The following LRP1B variants were observed in gnomAD, a reference collection of about 807,000 sequenced individuals.
LRP1B encodes LDL receptor related protein 1B, also known as low-density lipoprotein receptor-related protein 1B.
Under a neutral mutation model 556.6 loss-of-function variants are expected in LRP1B, and 217 were observed. The ratio of observed to expected loss-of-function variants is 0.39; its 90% CI spans 0.35 to 0.44. The LOEUF is 0.44. Among genes scored for constraint, LRP1B ranks in the 20% least tolerant of loss-of-function variants. The pLI is 1.00. For synonymous variants in LRP1B, 2,047 were observed against 1,865.8 expected (o/e 1.10, Z -2.50); for missense variants, 5,053 against 5,620.8 (o/e 0.90, Z 3.23).
intron 1 of LRP1B, among the ~76,000 whole-genome samples, chr2:142,086,005 A>G (rs1331449324): frequency 6.6e-6 from 1 of 152,156 alleles, no homozygotes; most frequent in Non-Finnish European, 1.5e-5. Flanking sequence ...TTAACCTACT[A>G]CAGGGTGATA....
intron 59 of LRP1B, among the ~76,000 whole-genome samples, chr2:140,483,545 A>G (rs965594744): frequency 4.7e-5 from 7 of 148,862 alleles, no homozygotes; most frequent in Admixed American, 3.4e-4. Context: ...AAGAAAAAAA[A>G]TTGTTCAGAC....
intron 20 of LRP1B, among the ~76,000 whole-genome samples, chr2:140,935,325 A>T (rs990292405): frequency 6.6e-6 from 1 of 152,152 alleles, no homozygotes; most frequent in African/African-American, 2.4e-5. Flanking sequence ...AGATATTTTG[A>T]TATCTTTAAA....
chr2:141,775,512 C>A (rs1397546072), intron 2 of LRP1B, among the ~76,000 whole-genome samples: 1 of 152,120 alleles, frequency 6.6e-6, no homozygotes, highest in Non-Finnish European at 1.5e-5. Flanking sequence ...ATGATTATAT[C>A]TTTGTAAAGA....
chr2:141,689,628 A>G (rs1017612698), intron 2 of LRP1B, among the ~76,000 whole-genome samples: 6 of 151,800 alleles, frequency 4.0e-5, no homozygotes, highest in Non-Finnish European at 7.4e-5. Context: ...GCCAAATTTA[A>G]TCTGAGATAA....
At chr2:141,384,471 A>T (rs1365636501) in intron 3 of LRP1B, among the ~76,000 whole-genome samples, 2 of 152,108 alleles carry the variant, frequency 1.3e-5, no homozygotes, top group East Asian at 1.9e-4. Context: ...TTGAGATATA[A>T]TTTTTTAAAT....
intron 43 of LRP1B, among the ~76,000 whole-genome samples, chr2:140,584,659 C>T (rs958838994): frequency 6.6e-6 from 1 of 152,140 alleles, no homozygotes; most frequent in Non-Finnish European, 1.5e-5. Flanking sequence ...TGTAAGAACA[C>T]ATCTCTTTTC....
At chr2:140,291,143 T>C (rs1281561596) in intron 84 of LRP1B, among the ~76,000 whole-genome samples, 3 of 151,314 alleles carry the variant, frequency 2.0e-5, no homozygotes, top group African/African-American at 4.8e-5. Context: ...CTCCTGCTAA[T>C]AGAAACAGGA....
At chr2:141,994,190 C>T (rs1025864348) in intron 1 of LRP1B, among the ~76,000 whole-genome samples, 2 of 152,070 alleles carry the variant, frequency 1.3e-5, no homozygotes, top group Admixed American at 1.3e-4. Context: ...TTCTATTTTC[C>T]AGAGAGTTGT....
chr2:140,449,453 A>C (rs1686798112), intron 63 of LRP1B, among the ~76,000 whole-genome samples: 2 of 152,128 alleles, frequency 1.3e-5, no homozygotes, highest in South Asian at 4.1e-4. Flanking sequence ...ACTACCCTTT[A>C]TATGTTGTCT....
intron 66 of LRP1B, among the ~76,000 whole-genome samples, chr2:140,402,625 C>T (rs1684556696): frequency 6.6e-6 from 1 of 152,164 alleles, no homozygotes; most frequent in African/African-American, 2.4e-5. Context: ...AGGTGGATAG[C>T]TTTCCTGTTG....
intron 2 of LRP1B, among the ~76,000 whole-genome samples, chr2:141,486,807 G>GA (rs5834838): frequency 0.97 from 148,129 of 152,054 alleles, 72,266 homozygotes; most frequent in East Asian, 1. Context: ...TTTGCCTACT[G>GA]AAAAAATTTA....
At chr2:140,399,162 G>GAT (rs1181464006) in intron 66 of LRP1B, among the ~76,000 whole-genome samples, 2 of 123,646 alleles carry the variant, frequency 1.6e-5, no homozygotes, top group Non-Finnish European at 3.6e-5. Context: ...AGAAGACCAA[G>GAT]ATACACACAC....
At chr2:141,428,392 G>A (rs1559065640) in intron 3 of LRP1B, among the ~76,000 whole-genome samples, 1 of 151,948 alleles carries the variant, frequency 6.6e-6, no homozygotes, top group African/African-American at 2.4e-5. Context: ...ATGCACACAT[G>A]TACCCTAGAA....
chr2:141,973,457 C>G (rs1298959260), intron 1 of LRP1B, among the ~76,000 whole-genome samples: 1 of 151,574 alleles, frequency 6.6e-6, no homozygotes, highest in Admixed American at 6.6e-5. Context: ...AGTAAAATTT[C>G]CTGAGACCAG....
intron 2 of LRP1B, among the ~76,000 whole-genome samples, chr2:141,494,230 A>G (rs564517717): frequency 6.6e-6 from 1 of 152,196 alleles, no homozygotes; most frequent in Admixed American, 6.5e-5. Context: ...CTGTCTTTCC[A>G]TTTTTCAGCC....
chr2:140,608,502 T>C (rs1319130643), intron 41 of LRP1B, among the ~76,000 whole-genome samples: 1 of 152,224 alleles, frequency 6.6e-6, no homozygotes, highest in African/African-American at 2.4e-5. Context: ...TGGGGAACAA[T>C]ATTATCTTAC....
intron 1 of LRP1B, among the ~76,000 whole-genome samples, chr2:142,002,627 C>T (rs983427843): frequency 2.6e-5 from 4 of 151,762 alleles, no homozygotes; most frequent in Non-Finnish European, 4.4e-5. Flanking sequence ...CATGAAATAA[C>T]CTTCAGACAG....
At chr2:142,028,481 A>G (rs13016941) in intron 1 of LRP1B, among the ~76,000 whole-genome samples, 11,289 of 152,028 alleles carry the variant, frequency 0.074, 488 homozygotes, top group Admixed American at 0.1. Context: ...AATGCATTTT[A>G]TATTTGCTGT....
chr2:141,529,766 G>GTA (rs1684807876), intron 2 of LRP1B, among the ~76,000 whole-genome samples: 1 of 151,994 alleles, frequency 6.6e-6, no homozygotes, highest in Non-Finnish European at 1.5e-5. Flanking sequence ...TCTACATAAA[G>GTA]GATCTTGGTA....
Sources: gnomAD v4.1 joint callset for allele counts (sites outside exome capture counted in the v4.1 genomes callset) on GRCh38, gnomAD v4.1.1 for gene constraint, MANE v1.5 for transcripts, NCBI Gene and HGNC (gene_info 2026-07-23, HGNC 2026-07-21) for gene names.